The following TPRG1 variants were observed in gnomAD, a reference collection of about 807,000 sequenced individuals.
TPRG1 encodes tumor protein p63 regulated 1.
Under a neutral mutation model 29.3 loss-of-function variants are expected in TPRG1, and 29 were observed. The observed-to-expected ratio is 0.99, with a 90% CI of 0.74 to 1.35. The LOEUF (loss-of-function observed/expected upper bound fraction) is 1.35, where lower values mean the gene tolerates loss of function less well. Ranked by LOEUF, TPRG1 falls within the 40% of genes most tolerant of loss-of-function variation. The pLI, the probability that TPRG1 is intolerant of heterozygous loss-of-function variation, is 0.00. For missense variants in TPRG1, 327 were observed against 335.0 expected, an observed-to-expected ratio of 0.98 and a Z score of 0.19; for synonymous variants, 130 against 116.8, an observed-to-expected ratio of 1.11 and a Z score of -0.73.
intron 1 of TPRG1, among the ~76,000 whole-genome samples, chr3:189,107,549 G>T (rs1262619013): frequency 2.6e-5 from 4 of 152,046 alleles, no homozygotes; most frequent in Admixed American, 1.3e-4. Context: ...TTCCCTTACA[G>T]AAATTTCACC....
chr3:189,098,883 C>T (rs1385886356), upstream of TPRG1, among the ~76,000 whole-genome samples: 1 of 152,154 alleles, frequency 6.6e-6, no homozygotes, highest in East Asian at 1.9e-4. Flanking sequence ...CCCTGAGAGT[C>T]CTGAACCCTT....
chr3:189,042,082 T>C (rs772755513), intron 4 of TPRG1, among the ~76,000 whole-genome samples: 53 of 152,100 alleles, frequency 3.5e-4, no homozygotes, highest in Non-Finnish European at 5.4e-4. Flanking sequence ...TTGATGGGAA[T>C]TGACCTATCT....
intron 3 of TPRG1, among the ~76,000 whole-genome samples, chr3:189,137,661 G>T (rs980392692): frequency 6.6e-6 from 1 of 152,084 alleles, no homozygotes; most frequent in Non-Finnish European, 1.5e-5. Flanking sequence ...TGCCAAGTGG[G>T]AATGCAGTGA....
intron 1 of TPRG1, among the ~76,000 whole-genome samples, chr3:189,112,873 C>T (rs578146089): frequency 2.0e-5 from 3 of 152,060 alleles, no homozygotes; most frequent in Non-Finnish European, 4.4e-5. Context: ...TTTTTCGGTT[C>T]CATATGAACT....
At chr3:189,022,951 C>G (rs542927968) in intron 3 of TPRG1, among the ~76,000 whole-genome samples, 3 of 152,328 alleles carry the variant, frequency 2.0e-5, no homozygotes, top group South Asian at 2.1e-4. Context: ...TTAAGCCCGT[C>G]GGAAAAGCGC....
chr3:189,045,583 A>G, intron 4 of TPRG1, among the ~76,000 whole-genome samples: 1 of 152,378 alleles, frequency 6.6e-6, no homozygotes, highest in East Asian at 1.9e-4. Context: ...ATGTCTGTAC[A>G]GTGCAAAATA....
chr3:189,213,534 A>G (rs1050044775), intron 2 of TPRG1, among the ~76,000 whole-genome samples: 14 of 152,212 alleles, frequency 9.2e-5, no homozygotes, highest in African/African-American at 3.4e-4. Context: ...GAAGACTGAT[A>G]GAACTCCAGA....
chr3:189,058,392 G>C (rs1324427808), intron 4 of TPRG1, among the ~76,000 whole-genome samples: 1 of 152,182 alleles, frequency 6.6e-6, no homozygotes, highest in East Asian at 1.9e-4. Flanking sequence ...CACAATTGTA[G>C]TTTGGCCTCA....
At chr3:189,169,777 A>T (rs1450472166), upstream of TPRG1, among the ~76,000 whole-genome samples, 1 of 152,196 alleles carries the variant, frequency 6.6e-6, no homozygotes, top group Non-Finnish European at 1.5e-5. Flanking sequence ...TGGGATCTGT[A>T]CTGTAACTCC....
intron 1 of TPRG1, among the ~76,000 whole-genome samples, chr3:189,112,929 T>C (rs540368404): frequency 6.6e-6 from 1 of 152,334 alleles, no homozygotes; most frequent in African/African-American, 2.4e-5. Flanking sequence ...ATTGGTAGCT[T>C]GATAGGGATG....
intron 3 of TPRG1, among the ~76,000 whole-genome samples, chr3:189,219,308 A>G (rs1437574257): frequency 6.6e-6 from 1 of 152,142 alleles, no homozygotes; most frequent in African/African-American, 2.4e-5. Flanking sequence ...AAATAAACAG[A>G]GAGTCCAAGA....
intron 4 of TPRG1, among the ~76,000 whole-genome samples, chr3:189,086,342 C>T (rs1219212603): frequency 6.6e-6 from 1 of 150,816 alleles, no homozygotes; most frequent in East Asian, 1.9e-4. Flanking sequence ...TCTCCCAGTC[C>T]ACTGATTCAA....
chr3:189,195,003 G>A (rs1286806999), intron 1 of TPRG1, among the ~76,000 whole-genome samples: 3 of 152,160 alleles, frequency 2.0e-5, no homozygotes, highest in African/African-American at 4.8e-5. Context: ...AGGTATCTCA[G>A]CTCAGCCACT....
intron 4 of TPRG1, among the ~76,000 whole-genome samples, chr3:189,306,072 G>A (rs1349721060): frequency 5.3e-5 from 8 of 152,072 alleles, no homozygotes; most frequent in African/African-American, 9.7e-5. Context: ...TAGTAAAATC[G>A]GCTCATAGAT....
chr3:189,149,738 C>G (rs1163111858), intron 4 of TPRG1, among the ~76,000 whole-genome samples: 1 of 152,156 alleles, frequency 6.6e-6, no homozygotes. Flanking sequence ...TCTCACTTTC[C>G]CACACTAACT....
chr3:189,070,079 CA>C (rs1000829999), intron 4 of TPRG1, among the ~76,000 whole-genome samples: 82 of 151,112 alleles, frequency 5.4e-4, no homozygotes, highest in Middle Eastern at 3.4e-3. Context: ...GACTCCATTT[CA>C]AAAAAAGAAA....
chr3:188,998,347 G>T (rs535865068), intron 1 of TPRG1, among the ~76,000 whole-genome samples: 1 of 152,202 alleles, frequency 6.6e-6, no homozygotes, highest in Non-Finnish European at 1.5e-5. Flanking sequence ...AAAGAAGAGT[G>T]ACAACTATAA....
At chr3:189,186,266 G>A (rs1161670552) in intron 1 of TPRG1, among the ~76,000 whole-genome samples, 2 of 152,164 alleles carry the variant, frequency 1.3e-5, no homozygotes, top group Non-Finnish European at 2.9e-5. Context: ...ATTGGTGAGG[G>A]TGAGAGGGGA....
intron 4 of TPRG1, among the ~76,000 whole-genome samples, chr3:189,281,607 C>T (rs1717140430): frequency 6.6e-6 from 1 of 152,110 alleles, no homozygotes; most frequent in East Asian, 1.9e-4. Context: ...AATTATATGA[C>T]ATGTAATTTT....
Sources: gnomAD v4.1 joint callset for allele counts (sites outside exome capture counted in the v4.1 genomes callset) on GRCh38, gnomAD v4.1.1 for gene constraint, MANE v1.5 for transcripts, NCBI Gene and HGNC (gene_info 2026-07-23, HGNC 2026-07-21) for gene names.